Variants in ABCA12 observed in about 807,000 individuals in gnomAD.
ABCA12 encodes glucosylceramide transporter ABCA12.
In ABCA12, 156 loss-of-function variants were observed where a neutral mutation model predicts 293.5. The ratio of observed to expected loss-of-function variants is 0.53; its 90% confidence interval spans 0.47 to 0.61. ABCA12 has a LOEUF of 0.61. ABCA12 is among the 20% of genes least tolerant of loss of function. The probability of loss-of-function intolerance (pLI) is 0.00; values close to 1 mark genes in which losing one functional copy is unlikely to be tolerated. For missense variants in ABCA12, 2,797 were observed against 3,090.2 expected (o/e 0.91, Z 2.25); for synonymous variants, 1,063 against 1,108.0 (o/e 0.96, Z 0.81).
At chr2:214,948,001 G>A (rs186787065) in intron 47 of ABCA12, 12 of 207,700 alleles carry the variant, frequency 5.8e-5, no homozygotes, top group Admixed American at 2.6e-4. Flanking sequence ...GTACCAAAAC[G>A]TTAGCACATT....
In ABCA12 at chr2:215,010,991, G is replaced by A. The variant is rs565881296; in HGVS notation, c.2332+448C>T. ...TTTTGATGTGCCACGAGACATTTAC[G>A]GTTCTGCTGCAGTCATGCAACTCTA... is the stretch of plus-strand genomic sequence containing the variant. On this transcript the variant is annotated intron_variant, in intron 17 of 52. Coordinates refer to ENST00000272895, the MANE Select transcript of ABCA12 (RefSeq NM_173076.3). Among the ~76,000 whole-genome samples, 15 of 152,230 alleles carry A rather than the reference G, an allele frequency of 9.9e-5. No individual in the cohort carries two copies. The East Asian group carries it at 1.4e-3, about 14-fold the overall frequency.
At chr2:215,137,530 A>T (rs1349911606) in intron 1 of ABCA12, among the ~76,000 whole-genome samples, 19 of 152,236 alleles carry the variant, frequency 1.2e-4, no homozygotes. Context: ...CGTTGCAATG[A>T]GCAAGAGAAG....
rs565557387 is a variant in ABCA12, at chr2:215,050,295, T to C, written c.508-484A>G. 3.9e-5 allele frequency among the ~76,000 whole-genome samples: 6 copies of C among 152,200 alleles called. No homozygotes were observed. In the South Asian group the frequency reaches 1.2e-3, roughly 32 times the overall value. On this transcript the variant is annotated intron_variant, in intron 5 of 52. Transcript: ENST00000272895. ...GTGTTTATTTACAGAAGTGTACAAA[T>C]ATAGATTGCTTCATTTGCAAAGCAG...
chr2:214,932,786 A>G (rs1698100580), intron 52 of ABCA12, 45 bp from the exon 53 acceptor site: 1 of 1,393,346 alleles, frequency 7.2e-7, no homozygotes, highest in East Asian at 2.3e-5. Flanking sequence ...TGGTAAGCCA[A>G]AGGAAAAAAT....
At chr2:215,112,002 T>A (rs1702580436) in intron 1 of ABCA12, among the ~76,000 whole-genome samples, 1 of 152,188 alleles carries the variant, frequency 6.6e-6, no homozygotes, top group African/African-American at 2.4e-5. Context: ...ACTTCATTCC[T>A]TAAAAATCCT....
In ABCA12 at chr2:215,049,814, A is replaced by G; in HGVS notation, c.508-3T>C. 1 of 1,609,802 alleles carries G rather than the reference A, an allele frequency of 6.2e-7. No individual in the cohort carries two copies. The highest frequency in any genetic ancestry group is 8.5e-7 in the Non-Finnish European group (1 of 1,177,294). On this transcript the variant is annotated splice_region_variant and splice_polypyrimidine_tract_variant and intron_variant, in intron 5 of 52. Coordinates refer to ENST00000272895, the MANE Select transcript of ABCA12 (RefSeq NM_173076.3). ...GAAGTTGAATTTTGCTTTAACAGCT[A>G]AAAGCATGTGTGAAAAGAGTAAAAT...
At chr2:214,978,540 A>AAAAG in intron 32 of ABCA12, 74 bp from the exon 33 acceptor site, 4 of 1,544,906 alleles carry the variant, frequency 2.6e-6, no homozygotes, top group Non-Finnish European at 3.5e-6. Context: ...CTTACCTTTG[A>AAAAG]TTTTGAACTT....
intron 2 of ABCA12, among the ~76,000 whole-genome samples, chr2:215,107,213 A>ACATT (rs1257396670): frequency 1.3e-5 from 2 of 152,100 alleles, no homozygotes; most frequent in African/African-American, 4.8e-5. Context: ...GCTTGCCTGG[A>ACATT]CATTCATGGG....
At chr2:214,991,108 A>T in intron 23 of ABCA12, 77 bp from the exon 24 acceptor site, 2 of 1,286,708 alleles carry the variant, frequency 1.6e-6, no homozygotes, top group African/African-American at 1.5e-5. Context: ...TATTATGTCA[A>T]AATGTCATGA....
chr2:215,135,025 C>A (rs892314838), intron 1 of ABCA12, among the ~76,000 whole-genome samples: 3 of 152,082 alleles, frequency 2.0e-5, no homozygotes, highest in Non-Finnish European at 4.4e-5. Flanking sequence ...TGCAGTGGCA[C>A]AATCTCAGCT....
rs371887153 is a variant in ABCA12, at chr2:214,975,970, T to C, written c.5196A>G (p.Ile1732Met). Residue 1732 changes from isoleucine (I) to methionine (M), a missense_variant, in exon 34 of 53, where the codon ATA (isoleucine) becomes ATG (methionine). By Grantham distance (10) the Ile-to-Met change is conservative. This residue lies in a region of ABCA12 where 2,130 missense variants were observed against 2,427.0 expected (regional missense o/e 0.88). Coordinates refer to ENST00000272895, the MANE Select transcript of ABCA12 (RefSeq NM_173076.3). ...GGGTGTGGTGGAACCTCTTGATGAGTATAGCCATGATCTTCTTCAGCAACA... is the reference window on the plus strand; with the variant it reads ...GGGTGTGGTGGAACCTCTTGATGAGCATAGCCATGATCTTCTTCAGCAACA... ...FGLLLKKIMA[I>M]LIKRFHHTRR... 3.2e-5 allele frequency: 52 copies of C among 1,613,958 alleles called. No individual in the cohort carries two copies. Among genetic ancestry groups the C allele is most frequent in the Non-Finnish European group, 4.0e-5 (47 of 1,180,012 alleles).
At chr2:215,013,315 GGGCATA>G (rs1700415762) in intron 15 of ABCA12, 1 of 152,200 alleles carries the variant, frequency 6.6e-6, no homozygotes, top group Admixed American at 6.5e-5. Flanking sequence ...AGAAGAGGAA[GGGCATA>G]GGCAGAGGGG....
chr2:215,000,076 CA>C (rs1296945729), intron 22 of ABCA12, among the ~76,000 whole-genome samples: 1 of 152,136 alleles, frequency 6.6e-6, no homozygotes, highest in Non-Finnish European at 1.5e-5. Flanking sequence ...CAGTGCTACC[CA>C]ACTGGCAGAT....
At chr2:214,980,448 G>A in intron 31 of ABCA12, 35 bp downstream of exon 31, 1 of 1,611,576 alleles carries the variant, frequency 6.2e-7, no homozygotes, top group Non-Finnish European at 8.5e-7. Flanking sequence ...TTAATTTATG[G>A]TGCCATAATG....
At chr2:214,989,007 C>T (rs990140868) in intron 26 of ABCA12, among the ~76,000 whole-genome samples, 6 of 150,010 alleles carry the variant, frequency 4.0e-5, no homozygotes, top group South Asian at 2.1e-4. Context: ...GGTGAAACCC[C>T]GGCTCTATTA....
chr2:215,052,514 C>A lies in ABCA12; in HGVS notation c.480G>T (p.Val160=). 1 of 1,612,592 alleles carries A rather than the reference C, an allele frequency of 6.2e-7. No individual in the cohort carries two copies. Among genetic ancestry groups the A allele is most frequent in the South Asian group, 1.1e-5 (1 of 91,056 alleles). ...PGTYTFNGSQ[V]LARILGLEKL... ...TTTCCAAGCCAAGAATTCGTGCGAG[C>A]ACTTGACTGCCATTGAAAGTATATG... The change falls in exon 5 of 53, where the codon GTG becomes GTT. Residue 160 remains valine (V), a synonymous_variant. Transcript: ENST00000272895.
rs367821993 is a variant in ABCA12 at position 215,016,289 on chromosome 2, G to A, written c.1783-626C>T. Among the ~76,000 whole-genome samples the A allele has an allele frequency of 1.7e-3, 261 of 149,876 alleles. 1 individual carries two copies. Among genetic ancestry groups the A allele is most frequent in the African/African-American group, 6.0e-3 (246 of 40,856 alleles). On this transcript the variant is annotated intron_variant, in intron 14 of 52. Transcript: ENST00000272895. ...AAGTTTGGGGAAAACGTTAGTTTAA[G>A]ACTTTGCTCCCTGGCTGGGCGCGGT...
intron 24 of ABCA12, among the ~76,000 whole-genome samples, chr2:214,990,281 A>T (rs1232379877): frequency 6.6e-6 from 1 of 152,204 alleles, no homozygotes; most frequent in Non-Finnish European, 1.5e-5. Flanking sequence ...GGTTGCTTAT[A>T]TGCTGTTGGT....
At chr2:215,089,619 G>T (rs1702101647) in intron 2 of ABCA12, among the ~76,000 whole-genome samples, 1 of 152,108 alleles carries the variant, frequency 6.6e-6, no homozygotes, top group South Asian at 2.1e-4. Flanking sequence ...TAACAGTGGA[G>T]GTCGCTAAAG....
Sources: allele counts gnomAD v4.1 joint callset (sites outside exome capture counted in the v4.1 genomes callset), GRCh38; gene constraint gnomAD v4.1.1; regional missense constraint gnomAD v4.1.1; transcripts MANE v1.5; gene names NCBI Gene and HGNC (gene_info 2026-07-23, HGNC 2026-07-21).